Variants in UBE2K observed in about 807,000 individuals in gnomAD.
UBE2K encodes the protein ubiquitin-conjugating enzyme E2 K.
A neutral mutation model predicts 30.0 loss-of-function variants in UBE2K; 6 were observed. The observed-to-expected ratio is 0.20, with a 90% CI of 0.11 to 0.39. The LOEUF (loss-of-function observed/expected upper bound fraction) is 0.39. UBE2K is among the 10% of genes least tolerant of loss of function. The pLI is 1.00. For missense variants in UBE2K, 61 were observed against 241.6 expected, an observed-to-expected ratio of 0.25 and a Z score of 4.96; for synonymous variants, 86 against 83.7, an observed-to-expected ratio of 1.03 and a Z score of -0.15.
intron 1 of UBE2K, among the ~76,000 whole-genome samples, chr4:39,712,028 G>A (rs1308382869): frequency 7.3e-5 from 11 of 150,374 alleles, no homozygotes; most frequent in African/African-American, 2.7e-4. Flanking sequence ...GCAAGAGAGG[G>A]AGACTCTGTC....
rs1721058921 is a variant in UBE2K, at chr4:39,747,825, G to A, written c.216+2015G>A. On this transcript the variant is annotated intron_variant, in intron 3 of 6. Coordinates refer to ENST00000261427, the MANE Select transcript of UBE2K (RefSeq NM_005339.5). ...GTTTTCTTTTTTTTTTTTTTGAGAT[G>A]GAGTCTCGCTCTGCCGCCCAGGCTG... 6.1e-5 allele frequency among the ~76,000 whole-genome samples: 9 copies of A among 147,302 alleles called. No individual in the cohort carries two copies. The Admixed American group carries it at 6.1e-4, about 10-fold the overall frequency.
rs1713412095 is a variant in UBE2K, at chr4:39,778,496, A to G, written c.*62A>G. The G allele has an allele frequency of 9.1e-7, 1 of 1,101,772 alleles. No individual in the cohort carries two copies. Among genetic ancestry groups the G allele is most frequent in the South Asian group, 1.3e-5 (1 of 75,504 alleles). The allele number at this position is 1,101,772 out of a possible 1,614,324, so 68.2% of individuals were successfully genotyped here. On this transcript the variant is annotated 3_prime_UTR_variant, in exon 7 of 7. Transcript: ENST00000261427. ...TTCTTGAGGAGCACCAACATCTGTT[A>G]TTTTTAGGATTCTGCATAGATTTCT...
chr4:39,750,720 C>CT (rs33938106), intron 3 of UBE2K, among the ~76,000 whole-genome samples: 233 of 143,012 alleles, frequency 1.6e-3, no homozygotes, highest in African/African-American at 4.3e-3. Context: ...AGATTAAATT[C>CT]TTTTTTTTTT....
chr4:39,726,215 C>G (rs971206107), intron 1 of UBE2K, among the ~76,000 whole-genome samples: 1 of 151,464 alleles, frequency 6.6e-6, no homozygotes, highest in Admixed American at 6.6e-5. Context: ...AGGCTGGTCT[C>G]GAACTCCTGA....
intron 1 of UBE2K, among the ~76,000 whole-genome samples, chr4:39,734,033 T>G (rs1003835496): frequency 2.0e-5 from 3 of 152,162 alleles, no homozygotes; most frequent in Admixed American, 2.0e-4. Flanking sequence ...TGTGAAAAAT[T>G]TTTGGCTTAA....
At chr4:39,768,447 CAAA>C (rs35005914) in intron 4 of UBE2K, among the ~76,000 whole-genome samples, 19 of 88,110 alleles carry the variant, frequency 2.2e-4, no homozygotes, top group African/African-American at 4.1e-4. Flanking sequence ...ACTTCGTTTC[CAAA>C]AAAAAAAAAA....
At chr4:39,705,971 A>G (rs910205272) in intron 1 of UBE2K, among the ~76,000 whole-genome samples, 3 of 147,668 alleles carry the variant, frequency 2.0e-5, no homozygotes, top group East Asian at 4.1e-4. Context: ...AGCCTCTGGA[A>G]TGGCTGGGAT....
intron 4 of UBE2K, among the ~76,000 whole-genome samples, chr4:39,755,977 T>C (rs76258065): frequency 0.016 from 2,422 of 152,330 alleles, 17 homozygotes; most frequent in Non-Finnish European, 0.025. Context: ...AAGCCTTGGA[T>C]TTCATTTGTT....
At position 39,698,247 on chromosome 4, in the gene UBE2K, G is replaced by T. The variant is rs1267903900; in HGVS notation, c.-81G>T. The stretch of plus-strand genomic sequence containing the variant: ...GGTCTGAATCGCCGAGGGAGGAGGC[G>T]GTGGAGGAAGAGGTGGCGGCGGTGG... On this transcript the variant is annotated 5_prime_UTR_variant, in exon 1 of 7. Transcript: ENST00000261427. The T allele has an allele frequency of 1.5e-6, 2 of 1,368,688 alleles. No homozygotes were observed. The highest frequency in any genetic ancestry group is 2.1e-6 in the Non-Finnish European group (2 of 973,888). The allele number at this position is 1,368,688 out of a possible 1,614,324, so 84.8% of individuals were successfully genotyped here. A position where few individuals can be genotyped will look rare whatever the true frequency, so the allele number is the denominator to read the frequency against.
At chr4:39,753,244 G>T (rs1400065314) in intron 3 of UBE2K, among the ~76,000 whole-genome samples, 2 of 152,098 alleles carry the variant, frequency 1.3e-5, no homozygotes, top group Non-Finnish European at 2.9e-5. Context: ...AAAAGAATTG[G>T]CTGGGTGTGG....
intron 1 of UBE2K, chr4:39,713,710 C>A (rs1402358676): frequency 1.3e-5 from 2 of 152,028 alleles, no homozygotes; most frequent in Admixed American, 6.6e-5. Context: ...ATTACTAACT[C>A]CCTATCCCCC....
chr4:39,773,921 A>AAAACT (rs758544763), intron 4 of UBE2K, among the ~76,000 whole-genome samples: 16 of 152,022 alleles, frequency 1.1e-4, no homozygotes, highest in South Asian at 2.1e-4. Flanking sequence ...ACTCCGCCTC[A>AAAACT]AAACTAAACT....
At chr4:39,711,028 C>T (rs1301734770) in intron 1 of UBE2K, among the ~76,000 whole-genome samples, 1 of 150,952 alleles carries the variant, frequency 6.6e-6, no homozygotes, top group Non-Finnish European at 1.5e-5. Context: ...TATCCTTCCC[C>T]TTCATATTTT....
At chr4:39,727,354 A>G (rs144477253) in intron 1 of UBE2K, among the ~76,000 whole-genome samples, 3 of 152,250 alleles carry the variant, frequency 2.0e-5, no homozygotes, top group African/African-American at 7.2e-5. Flanking sequence ...TAATAATCTT[A>G]AAGGTTTCTT....
At chr4:39,742,423 A>G (rs556322703) in intron 2 of UBE2K, among the ~76,000 whole-genome samples, 84 of 152,178 alleles carry the variant, frequency 5.5e-4, no homozygotes, top group African/African-American at 1.8e-3. Context: ...TCATGCATGA[A>G]TCACTATGGG....
intron 1 of UBE2K, among the ~76,000 whole-genome samples, chr4:39,699,937 C>G (rs890083851): frequency 2.5e-4 from 38 of 152,206 alleles, no homozygotes; most frequent in African/African-American, 8.9e-4. Context: ...AGTGTCTGTA[C>G]TGATACAATG....
Position 39,768,574 on chromosome 4 carries a change from G to A in UBE2K, c.300-6260G>A, listed in dbSNP as rs573928417. ...ATATTGTGCATTTAAAAGAGATGAG[G>A]TTTCACCATCTTGCCCAGGCTGGTC... On this transcript the variant is annotated intron_variant, in intron 4 of 6. Coordinates refer to ENST00000261427, the MANE Select transcript of UBE2K (RefSeq NM_005339.5). Among the ~76,000 whole-genome samples, 4 of 152,204 alleles carry A rather than the reference G, an allele frequency of 2.6e-5. 1 individual carries two copies. Among genetic ancestry groups the A allele is most frequent in the African/African-American group, 9.6e-5 (4 of 41,546 alleles).
intron 1 of UBE2K, among the ~76,000 whole-genome samples, chr4:39,699,632 A>G (rs907316690): frequency 6.6e-6 from 1 of 152,238 alleles, no homozygotes; most frequent in African/African-American, 2.4e-5. Flanking sequence ...CAAGATTCAC[A>G]TACCATTATT....
chr4:39,769,066 A>G (rs1712551166), intron 4 of UBE2K, among the ~76,000 whole-genome samples: 1 of 152,036 alleles, frequency 6.6e-6, no homozygotes, highest in African/African-American at 2.4e-5. Context: ...CCTCAAGTTC[A>G]GGTGATCTGC....
Sources: gnomAD v4.1 joint callset for allele counts (sites outside exome capture counted in the v4.1 genomes callset) on GRCh38, gnomAD v4.1.1 for gene constraint, MANE v1.5 for transcripts, NCBI Gene and HGNC (gene_info 2026-07-23, HGNC 2026-07-21) for gene names.